Variants in FAM114A2 observed in about 807,000 individuals in gnomAD.
The protein encoded by FAM114A2 is protein FAM114A2.
FAM114A2 carries 53 observed loss-of-function variants against 58.4 expected under a neutral mutation model. The observed-to-expected ratio is 0.91, with a 90% CI of 0.73 to 1.14. FAM114A2 has a LOEUF of 1.14. FAM114A2 is among the 50% of genes most tolerant of loss of function. The probability of loss-of-function intolerance (pLI) is 0.00; values close to 1 mark genes in which losing one functional copy is unlikely to be tolerated. For synonymous variants in FAM114A2, 228 were observed against 211.4 expected, an observed-to-expected ratio of 1.08 and a Z score of -0.68; for missense variants, 601 against 581.1, an observed-to-expected ratio of 1.03 and a Z score of -0.35.
At chr5:154,037,437 C>T (rs1772648229) in intron 1 of FAM114A2, 1 of 152,174 alleles carries the variant, frequency 6.6e-6, no homozygotes, top group Non-Finnish European at 1.5e-5. Context: ...CTACTACGTA[C>T]CAAGTAGTAC....
chr5:154,000,848 C>T (rs1769923317), intron 11 of FAM114A2, among the ~76,000 whole-genome samples: 1 of 152,108 alleles, frequency 6.6e-6, no homozygotes, highest in Non-Finnish European at 1.5e-5. Flanking sequence ...ACCCTACATT[C>T]CATTTAGAAA....
At position 154,028,244 on chromosome 5, in the gene FAM114A2, A is replaced by T. The variant is rs757546488; in HGVS notation, c.535T>A (p.Phe179Ile). 6.2e-7 allele frequency: 1 copy of T among 1,609,098 alleles called. No homozygotes were observed. The highest frequency in any genetic ancestry group is 1.7e-5 in the Admixed American group (1 of 59,916). Residue 179 changes from phenylalanine (F) to isoleucine (I), a missense_variant, in exon 6 of 14, where the codon TTC becomes ATC. Coordinates refer to ENST00000351797, the MANE Select transcript of FAM114A2 (RefSeq NM_018691.4). ...VISGGLDALE[F>I]IGKKTMDVIA... is the part of the protein sequence containing the mutation. ...ACATCCATTGTCTTTTTTCCAATGA[A>T]TTCTAAGGCATCCAAACCCCCACTT... is the stretch of plus-strand genomic sequence containing the variant.
chr5:154,011,124 C>G (rs746485719), intron 9 of FAM114A2, 117 bp downstream of exon 9: 24 of 747,842 alleles, frequency 3.2e-5, no homozygotes, highest in Non-Finnish European at 5.1e-5. Flanking sequence ...CTGGGTATAA[C>G]GAGAATATAC....
intron 1 of FAM114A2, chr5:154,038,564 T>C (rs898158138): frequency 7.9e-5 from 12 of 152,178 alleles, no homozygotes; most frequent in Non-Finnish European, 1.5e-4. Context: ...AATACGGCTG[T>C]CTCTAGATGA....
At position 153,992,246 on chromosome 5, in the gene FAM114A2, T is replaced by C. The variant is rs1769284599; in HGVS notation, c.*730A>G. 6.6e-6 allele frequency: 1 copy of C among 152,230 alleles called. No individual in the cohort carries two copies. The highest frequency in any genetic ancestry group is 1.5e-5 in the Non-Finnish European group (1 of 68,044). The allele number at this position is 152,230 out of a possible 1,614,324, so 9.4% of individuals were successfully genotyped here. The stretch of plus-strand genomic sequence containing the variant: ...ATCTGCAAACATAAAACTGCTTCTC[T>C]AAATTGCATTTACTGGCCTTGAATC... On this transcript the variant is annotated 3_prime_UTR_variant, in exon 14 of 14. Coordinates refer to ENST00000351797, the MANE Select transcript of FAM114A2 (RefSeq NM_018691.4).
At chr5:153,995,518 T>A (rs538629728) in intron 12 of FAM114A2, among the ~76,000 whole-genome samples, 8 of 152,210 alleles carry the variant, frequency 5.3e-5, no homozygotes, top group Admixed American at 5.2e-4. Flanking sequence ...CAAAAGATTA[T>A]CCTTTACAGG....
At position 153,992,764 on chromosome 5, in the gene FAM114A2, A is replaced by C. The variant is rs946019105; in HGVS notation, c.*212T>G. ...TTTCTACAAAAGTTTCTTTTCAAAT[A>C]ATTTATGAATTACAACAACTGGAAA... On this transcript the variant is annotated 3_prime_UTR_variant, in exon 14 of 14. Transcript: ENST00000351797. 2 of 372,734 alleles carry C rather than the reference A, an allele frequency of 5.4e-6. No individual in the cohort carries two copies. The highest frequency in any genetic ancestry group is 9.5e-6 in the Non-Finnish European group (2 of 210,508). The allele number at this position is 372,734 out of a possible 1,614,324, so 23.1% of individuals were successfully genotyped here. A position where few individuals can be genotyped will look rare whatever the true frequency, so the allele number is the denominator to read the frequency against.
chr5:154,023,822 GA>G (rs1306691536), intron 8 of FAM114A2, among the ~76,000 whole-genome samples: 22 of 152,032 alleles, frequency 1.4e-4, no homozygotes, highest in South Asian at 1.0e-3. Context: ...CACTGGTAAA[GA>G]TAACTATGTA....
chr5:154,022,026 C>A (rs1234151435), intron 8 of FAM114A2, among the ~76,000 whole-genome samples: 6 of 152,150 alleles, frequency 3.9e-5, no homozygotes, highest in South Asian at 2.1e-4. Flanking sequence ...CAAACCTGAC[C>A]AAAACAAGCA....
intron 9 of FAM114A2, among the ~76,000 whole-genome samples, chr5:154,006,195 T>C (rs1255051458): frequency 1.3e-5 from 2 of 152,232 alleles, no homozygotes; most frequent in Admixed American, 6.5e-5. Context: ...ACTGGCATTT[T>C]ACTCATTCAT....
chr5:154,013,571 A>G (rs953090309), intron 8 of FAM114A2, among the ~76,000 whole-genome samples: 1 of 152,206 alleles, frequency 6.6e-6, no homozygotes, highest in Non-Finnish European at 1.5e-5. Context: ...AATATCATAG[A>G]CACAAATCCA....
intron 1 of FAM114A2, chr5:154,038,195 T>C (rs1379780014): frequency 6.6e-6 from 1 of 152,142 alleles, no homozygotes; most frequent in East Asian, 1.9e-4. Flanking sequence ...TAACTGTAAA[T>C]AAATACGGCT....
At chr5:154,017,180 C>T (rs538890023) in intron 8 of FAM114A2, among the ~76,000 whole-genome samples, 4 of 152,324 alleles carry the variant, frequency 2.6e-5, no homozygotes, top group South Asian at 2.1e-4. Flanking sequence ...CAGTGGCTCA[C>T]GCCTGTAATC....
intron 8 of FAM114A2, among the ~76,000 whole-genome samples, chr5:154,019,836 A>G (rs143585827): frequency 0.012 from 1,794 of 152,342 alleles, 43 homozygotes; most frequent in African/African-American, 0.04. Context: ...CACATGTAGG[A>G]GAATGAAACT....
chr5:153,995,187 G>A (rs2113162843), intron 12 of FAM114A2: 6 of 480,324 alleles, frequency 1.2e-5, no homozygotes, highest in Non-Finnish European at 2.2e-5. Flanking sequence ...CATATTGACA[G>A]TGTATTGTTT....
At chr5:154,014,434 T>C (rs763155045) in intron 8 of FAM114A2, among the ~76,000 whole-genome samples, 6 of 152,008 alleles carry the variant, frequency 3.9e-5, no homozygotes, top group African/African-American at 7.2e-5. Context: ...CTGAAGGAAG[T>C]GGATTGCTCC....
chr5:154,017,337 G>A (rs1303063469), intron 8 of FAM114A2, among the ~76,000 whole-genome samples: 1 of 152,224 alleles, frequency 6.6e-6, no homozygotes, highest in African/African-American at 2.4e-5. Context: ...AGCTACTCAG[G>A]AGGCTGAGGC....
At position 154,034,876 on chromosome 5, in the gene FAM114A2, T is replaced by G; in HGVS notation, c.78A>C (p.Pro26=). ...GGTCAACAGACTCAGAATTCTTGGC[T>G]GGCTCACAGTTTCCATCTTCAAGGA... ...APILEDGNCE[P]AKNSESVDQG... The change falls in exon 2 of 14, where the codon CCA becomes CCC. Residue 26 remains proline, a synonymous_variant. Transcript: ENST00000351797. 1.2e-6 allele frequency: 2 copies of G among 1,614,036 alleles called. No homozygotes were observed. Among genetic ancestry groups the G allele is most frequent in the Non-Finnish European group, 1.7e-6 (2 of 1,179,914 alleles).
chr5:153,996,099 T>C (rs1021331652), intron 12 of FAM114A2, among the ~76,000 whole-genome samples: 27 of 152,132 alleles, frequency 1.8e-4, no homozygotes, highest in African/African-American at 6.3e-4. Context: ...TCAAAAAATC[T>C]TGAAAATAAG....
Sources: allele counts gnomAD v4.1 joint callset (sites outside exome capture counted in the v4.1 genomes callset), GRCh38; gene constraint gnomAD v4.1.1; transcripts MANE v1.5; gene names NCBI Gene and HGNC (gene_info 2026-07-23, HGNC 2026-07-21).